Variants in RIMBP2 observed in about 807,000 individuals in gnomAD.
RIMBP2 encodes the protein RIMS binding protein 2.
A neutral mutation model predicts 118.6 loss-of-function variants in RIMBP2; 48 were observed. That is an observed-to-expected ratio of 0.40 (90% confidence interval 0.32 to 0.51). RIMBP2 has a LOEUF of 0.51. Ranked by LOEUF, RIMBP2 falls within the 20% of genes least tolerant of loss-of-function variation. The probability of loss-of-function intolerance (pLI) is 0.41; values close to 1 mark genes in which losing one functional copy is unlikely to be tolerated. For synonymous variants in RIMBP2, 762 were observed against 742.9 expected (o/e 1.03, Z -0.42); for missense variants, 1,551 against 1,768.3 (o/e 0.88, Z 2.20).
chr12:130,558,266 T>C (rs1277543234), intron 2 of RIMBP2, among the ~76,000 whole-genome samples: 8 of 152,094 alleles, frequency 5.3e-5, no homozygotes, highest in Non-Finnish European at 8.8e-5. Flanking sequence ...AGCTTGCTAA[T>C]AACACCCTAA....
At chr12:130,443,836 T>C (rs886220988) in intron 10 of RIMBP2, among the ~76,000 whole-genome samples, 2 of 152,222 alleles carry the variant, frequency 1.3e-5, no homozygotes, top group Non-Finnish European at 2.9e-5. Flanking sequence ...GTGATGGTGA[T>C]AGCTACTATT....
At chr12:130,549,582 C>G (rs774244826) in intron 2 of RIMBP2, among the ~76,000 whole-genome samples, 1 of 152,202 alleles carries the variant, frequency 6.6e-6, no homozygotes, top group Non-Finnish European at 1.5e-5. Context: ...TCATTTAGCT[C>G]CCACCTACAA....
At chr12:130,477,688 G>A (rs1339948672) in intron 5 of RIMBP2, among the ~76,000 whole-genome samples, 1 of 152,218 alleles carries the variant, frequency 6.6e-6, no homozygotes, top group African/African-American at 2.4e-5. Flanking sequence ...GTTTCCACAA[G>A]CTCTGCTAAT....
intron 4 of RIMBP2, among the ~76,000 whole-genome samples, chr12:130,487,763 G>A (rs1474829557): frequency 2.0e-5 from 3 of 152,142 alleles, no homozygotes; most frequent in Admixed American, 6.6e-5. Context: ...CACAGGACTT[G>A]TTTCCCTGTC....
chr12:130,657,490 T>G (rs2063478350), intron 1 of RIMBP2, among the ~76,000 whole-genome samples: 1 of 152,214 alleles, frequency 6.6e-6, no homozygotes, highest in Non-Finnish European at 1.5e-5. Context: ...AGATGTGGTT[T>G]GGATATTCTC....
intron 6 of RIMBP2, chr12:130,468,899 C>G (rs560444555): frequency 6.6e-6 from 1 of 152,160 alleles, no homozygotes; most frequent in East Asian, 1.9e-4. Flanking sequence ...TGGGCCTGCG[C>G]AGCACCTCAG....
At position 130,573,805 on chromosome 12, in the gene RIMBP2, G is replaced by A. The variant is rs148450421; in HGVS notation, c.-217+54517C>T. 4.5e-3 allele frequency among the ~76,000 whole-genome samples: 689 copies of A among 152,198 alleles called. 3 individuals are homozygous for A. The highest frequency in any genetic ancestry group is 0.016 in the African/African-American group (664 of 41,524). On this transcript the variant is annotated intron_variant, in intron 2 of 22. Transcript: ENST00000690449. The stretch of plus-strand genomic sequence containing the variant: ...TTGGGATGTGGGTCATTTTGAAAGC[G>A]CTCTAGGCTGATCCAGGCCTGGAGC...
intron 2 of RIMBP2, among the ~76,000 whole-genome samples, chr12:130,556,177 C>T (rs2139807543): frequency 6.6e-6 from 1 of 152,242 alleles, no homozygotes. Context: ...TTTTGTTTAT[C>T]ACTCCACAGC....
chr12:130,535,726 TAC>T (rs1251943923), intron 2 of RIMBP2, among the ~76,000 whole-genome samples: 1 of 45,814 alleles, frequency 2.2e-5, no homozygotes, highest in South Asian at 1.5e-3. Context: ...TACATATATA[TAC>T]ATATATATAC....
rs747089995 is a variant in RIMBP2, at chr12:130,525,421, G to A, written c.-216-7504C>T. Reference sequence around the variant, plus strand: ...TGCAGAGTGCTGGGTGAGAAGAGGCGCAGAGAGACAAGGTCATGCTTAGAG... The same window carrying A: ...TGCAGAGTGCTGGGTGAGAAGAGGCACAGAGAGACAAGGTCATGCTTAGAG... On this transcript the variant is annotated intron_variant, in intron 2 of 22. Coordinates refer to ENST00000690449, the MANE Select transcript of RIMBP2 (RefSeq NM_001393629.1). This position sits in a 1 kb window ranked among gnomAD's most constrained non-coding sequence, Gnocchi z 4.4. Among the ~76,000 whole-genome samples, 1 of 152,268 alleles carries A rather than the reference G, an allele frequency of 6.6e-6. No individual in the cohort carries two copies. The highest frequency in any genetic ancestry group is 2.1e-4 in the South Asian group (1 of 4,828).
rs2078173605 is a variant in RIMBP2 at position 130,441,962 on chromosome 12, T to G, written c.1390A>C (p.Asn464His). ...YKYQFFNLRP[N>H]MAYKVKVLAK... ...AGAACCTTCACCTTATAGGCCATGT[T>G]GGGCCTGAGATTGAAGAACTGGTAC... The change falls in exon 11 of 23, where the codon AAC becomes CAC. Residue 464 changes from asparagine (N) to histidine (H), a missense_variant. By Grantham distance (68) the Asn-to-His change is moderately conservative. Coordinates refer to ENST00000690449, the MANE Select transcript of RIMBP2 (RefSeq NM_001393629.1). 2.5e-6 allele frequency: 4 copies of G among 1,614,032 alleles called. No homozygotes were observed. Among genetic ancestry groups the G allele is most frequent in the Non-Finnish European group, 3.4e-6 (4 of 1,180,050 alleles).
intron 1 of RIMBP2, chr12:130,657,943 A>T (rs1390711394): frequency 1.3e-5 from 2 of 152,274 alleles, no homozygotes; most frequent in African/African-American, 4.8e-5. Context: ...AATATTTAAA[A>T]TCAGAGAACG....
rs2058498215 is a variant in RIMBP2 at position 130,581,797 on chromosome 12, G to T, written c.-217+46525C>A. Among the ~76,000 whole-genome samples, 1 of 152,222 alleles carries T rather than the reference G, an allele frequency of 6.6e-6. No homozygotes were observed. The highest frequency in any genetic ancestry group is 2.1e-4 in the South Asian group (1 of 4,838). On this transcript the variant is annotated intron_variant, in intron 2 of 22. Coordinates refer to ENST00000690449, the MANE Select transcript of RIMBP2 (RefSeq NM_001393629.1). The surrounding 1 kb of genome is among the most constrained non-coding windows in gnomAD (Gnocchi z 4.4). Reference sequence around the variant, plus strand: ...TGTTCTTACTCCCCATTAGTAAGCTGTCAACATGGTGGCCAGAAGTCACAA... The same window carrying T: ...TGTTCTTACTCCCCATTAGTAAGCTTTCAACATGGTGGCCAGAAGTCACAA...
intron 11 of RIMBP2, 151 bp from the exon 12 acceptor site, chr12:130,438,667 C>G (rs2137073482): frequency 6.1e-6 from 2 of 325,354 alleles, no homozygotes; most frequent in East Asian, 1.2e-4. Context: ...ACATCAGAAA[C>G]TGTGGTGAGG....
rs1014825232 is a variant in RIMBP2, at chr12:130,710,053, G to T, written c.-352+6169C>A. Among the ~76,000 whole-genome samples the T allele has an allele frequency of 6.6e-6, 1 of 152,170 alleles. No individual in the cohort carries two copies. The highest frequency in any genetic ancestry group is 1.5e-5 in the Non-Finnish European group (1 of 68,028). On this transcript the variant is annotated intron_variant, in intron 1 of 22. Coordinates refer to ENST00000690449, the MANE Select transcript of RIMBP2 (RefSeq NM_001393629.1). This position sits in a 1 kb window ranked among gnomAD's most constrained non-coding sequence, Gnocchi z 4.3. The stretch of plus-strand genomic sequence containing the variant: ...CCCTGGTTTCCGGGTATCCCTGGGA[G>T]CTCACGGGTGGACACCGAGGGTCTC...
In RIMBP2 at chr12:130,598,706, C is replaced by T. The variant is rs565549503; in HGVS notation, c.-217+29616G>A. On this transcript the variant is annotated intron_variant, in intron 2 of 22. Transcript: ENST00000690449. Reference sequence around the variant, plus strand: ...TCATGCCACTGCACTCCAGCCTGGGCGACTGAGCAAGACTCCATTTAAAAA... The same window carrying T: ...TCATGCCACTGCACTCCAGCCTGGGTGACTGAGCAAGACTCCATTTAAAAA... Among the ~76,000 whole-genome samples, 16 of 148,956 alleles carry T rather than the reference C, an allele frequency of 1.1e-4. No homozygotes were observed. In the East Asian group the frequency reaches 2.2e-3, roughly 20 times the overall value.
chr12:130,399,882 A>G, intron 21 of RIMBP2, 69 bp from the exon 22 acceptor site: 1 of 1,546,778 alleles, frequency 6.5e-7, no homozygotes, highest in Non-Finnish European at 8.9e-7. Context: ...CTTTGGCTAA[A>G]GGAATACAGC....
At chr12:130,488,023 C>T (rs2082628435) in intron 4 of RIMBP2, among the ~76,000 whole-genome samples, 2 of 152,184 alleles carry the variant, frequency 1.3e-5, no homozygotes, top group Non-Finnish European at 2.9e-5. Flanking sequence ...GTGCACTCCA[C>T]AGGCAACAGG....
chr12:130,558,482 C>T (rs924516954), intron 2 of RIMBP2, among the ~76,000 whole-genome samples: 1 of 152,138 alleles, frequency 6.6e-6, no homozygotes, highest in Non-Finnish European at 1.5e-5. Flanking sequence ...AGACAGAAAT[C>T]AGCTGCTGGC....
Sources: gnomAD v4.1 joint callset for allele counts (sites outside exome capture counted in the v4.1 genomes callset) on GRCh38, gnomAD v4.1.1 for gene constraint, Gnocchi (gnomAD v3.1) non-coding constraint, MANE v1.5 for transcripts, NCBI Gene and HGNC (gene_info 2026-07-23, HGNC 2026-07-21) for gene names.